The following PRSS23 variants were observed in gnomAD, a reference collection of about 807,000 sequenced individuals.
PRSS23 encodes protease, serine 23.
Under a neutral mutation model 34.7 loss-of-function variants are expected in PRSS23, and 25 were observed. That is an observed-to-expected ratio of 0.72 (90% CI 0.53 to 1.01). PRSS23 has a LOEUF of 1.01. PRSS23 is among the 50% of genes least tolerant of loss of function. PRSS23 has a pLI of 0.00. For missense variants in PRSS23, 445 were observed against 475.6 expected, an observed-to-expected ratio of 0.94 and a Z score of 0.60; for synonymous variants, 176 against 186.6, an observed-to-expected ratio of 0.94 and a Z score of 0.46.
chr11:86,889,195 T>G (rs1948824996), intron 2 of PRSS23, among the ~76,000 whole-genome samples: 1 of 152,194 alleles, frequency 6.6e-6, no homozygotes, highest in Non-Finnish European at 1.5e-5. Flanking sequence ...CAGAGCCTCA[T>G]GGCCTTTTTG....
chr11:86,821,551 G>T, intron 1 of PRSS23: 2 of 1,610,902 alleles, frequency 1.2e-6, no homozygotes, highest in South Asian at 2.2e-5. Flanking sequence ...TATCTGGATG[G>T]CATTCACTCT....
chr11:86,950,173 T>C (rs1188312115), intron 2 of PRSS23: 1 of 152,598 alleles, frequency 6.6e-6, no homozygotes. Flanking sequence ...AACTTAACAT[T>C]TCAGCTCTTC....
chr11:86,911,736 TAC>T (rs1428790702), intron 2 of PRSS23: 2 of 149,584 alleles, frequency 1.3e-5, no homozygotes, highest in Non-Finnish European at 3.0e-5. Context: ...CTTGCATCTA[TAC>T]ACCATGATTA....
At chr11:86,934,633 G>A (rs914580176) in intron 2 of PRSS23, 3 of 152,220 alleles carry the variant, frequency 2.0e-5, no homozygotes, top group Admixed American at 6.5e-5. Context: ...CCAGGCTAAT[G>A]AAAGAAGACT....
At chr11:86,922,483 CAAA>C (rs1565386973) in intron 2 of PRSS23, among the ~76,000 whole-genome samples, 13 of 151,308 alleles carry the variant, frequency 8.6e-5, no homozygotes, top group Non-Finnish European at 1.5e-5. Flanking sequence ...AAAAAATAAA[CAAA>C]TAAAAATAAA....
intron 2 of PRSS23, among the ~76,000 whole-genome samples, chr11:86,924,761 A>C (rs1326907133): frequency 6.6e-6 from 1 of 152,208 alleles, no homozygotes; most frequent in African/African-American, 2.4e-5. Flanking sequence ...AAAATGGTCC[A>C]AGGGCTCCCC....
chr11:86,846,875 A>G (rs1565364578), intron 2 of PRSS23, among the ~76,000 whole-genome samples: 1 of 152,200 alleles, frequency 6.6e-6, no homozygotes, highest in Non-Finnish European at 1.5e-5. Context: ...AGTCCCCCAC[A>G]TCAGGATAAT....
chr11:86,950,431 C>T (rs1015558190), intron 2 of PRSS23: 1 of 152,480 alleles, frequency 6.6e-6, no homozygotes, highest in Non-Finnish European at 1.5e-5. Flanking sequence ...CAGCAGCAGC[C>T]AAGAAGAGAG....
intron 2 of PRSS23, among the ~76,000 whole-genome samples, chr11:86,866,254 A>G (rs1948648612): frequency 6.6e-6 from 1 of 152,152 alleles, no homozygotes; most frequent in South Asian, 2.1e-4. Flanking sequence ...TGCCAATACG[A>G]CCACCACCCT....
intron 2 of PRSS23, among the ~76,000 whole-genome samples, chr11:86,873,079 G>T (rs1025165221): frequency 6.6e-6 from 1 of 151,776 alleles, no homozygotes; most frequent in African/African-American, 2.4e-5. Flanking sequence ...AGGGGCTATG[G>T]TGGACACCCA....
At chr11:86,862,067 A>G (rs1177326215) in intron 2 of PRSS23, among the ~76,000 whole-genome samples, 1 of 151,612 alleles carries the variant, frequency 6.6e-6, no homozygotes, top group Admixed American at 6.6e-5. Context: ...TCTGGAAGGG[A>G]GAGGATAATA....
intron 2 of PRSS23, among the ~76,000 whole-genome samples, chr11:86,942,591 T>C (rs1318463522): frequency 6.6e-6 from 1 of 152,150 alleles, no homozygotes; most frequent in Non-Finnish European, 1.5e-5. Context: ...CTGATGAAAA[T>C]CAGGCAGTGG....
chr11:86,877,668 A>C (rs1948733872), intron 2 of PRSS23, among the ~76,000 whole-genome samples: 1 of 152,148 alleles, frequency 6.6e-6, no homozygotes, highest in Admixed American at 6.5e-5. Flanking sequence ...AAACTGCCTC[A>C]GTTCTATTCC....
chr11:86,930,043 A>G (rs189941520), intron 2 of PRSS23, among the ~76,000 whole-genome samples: 1 of 152,220 alleles, frequency 6.6e-6, no homozygotes, highest in East Asian at 1.9e-4. Flanking sequence ...ATATACAAAT[A>G]TAGTATTATA....
At chr11:86,890,950 A>G (rs936259777) in intron 2 of PRSS23, among the ~76,000 whole-genome samples, 1 of 152,202 alleles carries the variant, frequency 6.6e-6, no homozygotes, top group African/African-American at 2.4e-5. Context: ...CAGAACAACA[A>G]CCAGTTAGTA....
chr11:86,927,003 G>A (rs1191489531), intron 2 of PRSS23, among the ~76,000 whole-genome samples: 3 of 152,190 alleles, frequency 2.0e-5, no homozygotes, highest in Non-Finnish European at 4.4e-5. Flanking sequence ...CCAACATGTA[G>A]TCAGATAGGG....
At chr11:86,823,874 C>T (rs1432450197) in intron 2 of PRSS23, among the ~76,000 whole-genome samples, 3 of 150,372 alleles carry the variant, frequency 2.0e-5, no homozygotes, top group African/African-American at 4.9e-5. Flanking sequence ...GGCGTGGTAG[C>T]GGGCGCCTGT....
chr11:86,823,518 C>G, exon 2 of PRSS23: 1 of 702,570 alleles, frequency 1.4e-6, no homozygotes, highest in African/African-American at 1.7e-5. Context: ...GGTTCCAGGA[C>G]CTGGCTAGAA....
chr11:86,821,953 AT>A (rs1424702533), intron 1 of PRSS23, among the ~76,000 whole-genome samples: 1 of 152,228 alleles, frequency 6.6e-6, no homozygotes, highest in Non-Finnish European at 1.5e-5. Flanking sequence ...GAGAATTGAC[AT>A]TACAGATGAA....
Sources: gnomAD v4.1 joint callset for allele counts (sites outside exome capture counted in the v4.1 genomes callset) on GRCh38, gnomAD v4.1.1 for gene constraint, MANE v1.5 for transcripts, NCBI Gene and HGNC (gene_info 2026-07-23, HGNC 2026-07-21) for gene names.